The following ITPR2 variants were observed in gnomAD, a reference collection of about 807,000 sequenced individuals.
ITPR2 encodes the protein inositol 1,4,5-trisphosphate-gated calcium channel ITPR2.
Under a neutral mutation model 317.1 loss-of-function variants are expected in ITPR2, and 207 were observed. The observed-to-expected ratio is 0.65, with a 90% CI of 0.58 to 0.73. The LOEUF is 0.73. ITPR2 is among the 30% of genes least tolerant of loss of function. ITPR2 has a pLI of 0.00. For synonymous variants in ITPR2, 1,156 were observed against 1,149.1 expected, an observed-to-expected ratio of 1.01 and a Z score of -0.12; for missense variants, 2,613 against 3,284.0, an observed-to-expected ratio of 0.80 and a Z score of 4.99.
At chr12:26,570,869 C>T (rs1413574751) in intron 34 of ITPR2, among the ~76,000 whole-genome samples, 2 of 152,168 alleles carry the variant, frequency 1.3e-5, no homozygotes, top group East Asian at 3.9e-4. Flanking sequence ...ATGCCCTGAA[C>T]GTTTCTCAAA....
At chr12:26,405,233 T>C (rs1275591568) in intron 52 of ITPR2, among the ~76,000 whole-genome samples, 1 of 152,164 alleles carries the variant, frequency 6.6e-6, no homozygotes, top group African/African-American at 2.4e-5. Context: ...AAATAGACTT[T>C]TAATGTGGAG....
At chr12:26,712,371 C>T (rs1047766258) in intron 8 of ITPR2, among the ~76,000 whole-genome samples, 1 of 152,156 alleles carries the variant, frequency 6.6e-6, no homozygotes, top group Non-Finnish European at 1.5e-5. Context: ...TTTTGCTAGA[C>T]TCCAGCAACT....
At position 26,486,026 on chromosome 12, in the gene ITPR2, CTTG is replaced by C. The variant is rs1942656400; in HGVS notation, c.5811+75_5811+77del. ...CTTTCTAAAATGCTCTCCGAAACTACTTGTTGGTTTTATTTGAATTTAATTACT... is the reference window on the plus strand; with the variant it reads ...CTTTCTAAAATGCTCTCCGAAACTACTTGGTTTTATTTGAATTTAATTACT... On this transcript the variant is annotated intron_variant, in intron 41 of 56. Transcript: ENST00000381340. 6 of 1,504,276 alleles carry C rather than the reference CTTG, an allele frequency of 4.0e-6. No homozygotes were observed. The Admixed American group carries it at 1.0e-4, about 26-fold the overall frequency. 93.2% of individuals were successfully genotyped at this position (1,504,276 alleles called of 1,614,324 possible).
chr12:26,768,070 T>C (rs965231976), intron 2 of ITPR2, among the ~76,000 whole-genome samples: 5 of 152,218 alleles, frequency 3.3e-5, no homozygotes, highest in Admixed American at 1.3e-4. Context: ...CTTGCCTATC[T>C]ACTGCTTTTA....
chr12:26,725,545 C>A, intron 3 of ITPR2, 105 bp downstream of exon 3: 1 of 725,040 alleles, frequency 1.4e-6, no homozygotes, highest in East Asian at 2.7e-5. Context: ...TATTCTAAAT[C>A]TCTGTGTTTT....
In ITPR2 at chr12:26,768,277, A is replaced by AG. The variant is rs1394684551; in HGVS notation, c.163+21879dup. On this transcript the variant is annotated intron_variant, in intron 2 of 56. Transcript: ENST00000381340. Reference sequence around the variant, plus strand: ...TGGGGACGGTGGTGGGGTCGGGGGAAGGGGGAGGGATAGCAGTGGGAGATA... The same window carrying AG: ...TGGGGACGGTGGTGGGGTCGGGGGAAGGGGGGAGGGATAGCAGTGGGAGATA... Among the ~76,000 whole-genome samples the AG allele has an allele frequency of 2.1e-3, 260 of 124,518 alleles. 2 individuals carry two copies. Among genetic ancestry groups the AG allele is most frequent in the Non-Finnish European group, 2.8e-3 (167 of 59,268 alleles). 81.7% of individuals were successfully genotyped at this position (124,518 alleles called of 152,430 possible).
intron 21 of ITPR2, among the ~76,000 whole-genome samples, chr12:26,653,329 C>T (rs1045872285): frequency 6.8e-6 from 1 of 148,036 alleles, no homozygotes; most frequent in Admixed American, 6.8e-5. Flanking sequence ...ACTGCAACAT[C>T]CGACTCCCTG....
chr12:26,807,565 G>A (rs926199744), intron 1 of ITPR2, among the ~76,000 whole-genome samples: 5 of 152,156 alleles, frequency 3.3e-5, no homozygotes, highest in South Asian at 4.1e-4. Context: ...GCAGCTCTCC[G>A]TGATTTACAG....
chr12:26,757,779 CTT>C (rs1949553542), intron 2 of ITPR2, among the ~76,000 whole-genome samples: 2 of 152,270 alleles, frequency 1.3e-5, no homozygotes, highest in Non-Finnish European at 2.9e-5. Flanking sequence ...AACCGTTATT[CTT>C]TCTCTCTCTG....
chr12:26,736,504 C>T (rs17481043), intron 2 of ITPR2, among the ~76,000 whole-genome samples: 24,548 of 152,128 alleles, frequency 0.16, 2,748 homozygotes, highest in Non-Finnish European at 0.24. Context: ...AGGCTATTAG[C>T]AATTAGTATT....
chr12:26,711,694 G>A (rs139616197), intron 8 of ITPR2, among the ~76,000 whole-genome samples: 106 of 152,288 alleles, frequency 7.0e-4, no homozygotes, highest in African/African-American at 2.4e-3. Context: ...GAGAGCCAGC[G>A]AACAAAGAAA....
chr12:26,423,449 C>G (rs1940954285), intron 49 of ITPR2, among the ~76,000 whole-genome samples: 1 of 151,984 alleles, frequency 6.6e-6, no homozygotes, highest in South Asian at 2.1e-4. Flanking sequence ...ATGGTGAGAC[C>G]AACTTATTAA....
intron 55 of ITPR2, among the ~76,000 whole-genome samples, chr12:26,361,342 C>A (rs1175929174): frequency 6.6e-6 from 1 of 152,100 alleles, no homozygotes; most frequent in Non-Finnish European, 1.5e-5. Flanking sequence ...ATGATTTAAT[C>A]CCTGGTCATG....
chr12:26,459,085 C>T (rs1296289358), intron 45 of ITPR2, among the ~76,000 whole-genome samples: 2 of 152,192 alleles, frequency 1.3e-5, no homozygotes, highest in African/African-American at 4.8e-5. Context: ...CCTGGTACTG[C>T]TTTTAGGCAA....
chr12:26,748,405 C>G (rs894726154), intron 2 of ITPR2, among the ~76,000 whole-genome samples: 63 of 152,244 alleles, frequency 4.1e-4, no homozygotes, highest in African/African-American at 1.4e-3. Context: ...ATACTATTAC[C>G]AAGAAATCAT....
At chr12:26,405,045 A>T (rs1940303201) in intron 52 of ITPR2, among the ~76,000 whole-genome samples, 1 of 152,114 alleles carries the variant, frequency 6.6e-6, no homozygotes, top group African/African-American at 2.4e-5. Flanking sequence ...GAGGCAGGAG[A>T]ATCACTTGAA....
chr12:26,468,423 AGCAT>A (rs1374701264), intron 45 of ITPR2, among the ~76,000 whole-genome samples: 3 of 152,196 alleles, frequency 2.0e-5, no homozygotes, highest in Admixed American at 1.3e-4. Context: ...TGCTATTATA[AGCAT>A]TGTAGGAGTC....
At chr12:26,762,561 A>C (rs933700931) in intron 2 of ITPR2, among the ~76,000 whole-genome samples, 7 of 152,192 alleles carry the variant, frequency 4.6e-5, no homozygotes, top group Admixed American at 4.6e-4. Context: ...CTAACAAGAA[A>C]TGCTGAAGGC....
rs532115076 is a variant in ITPR2 at position 26,578,815 on chromosome 12, T to C, written c.4528A>G (p.Ile1510Val). The C allele has an allele frequency of 5.6e-6, 9 of 1,609,236 alleles. No homozygotes were observed. The highest frequency in any genetic ancestry group is 1.3e-5 in the African/African-American group (1 of 74,856). ...TSLQTHQPVFIQLLQSAFRIY... is the reference protein window; with the variant it reads ...TSLQTHQPVFVQLLQSAFRIY... ...CTGAAGGCAGATTGCAGTAGCTGAA[T>C]AAAAACTGGCTGATGTGTCTAAAAC... Residue 1510 changes from isoleucine to valine, a missense_variant, in exon 34 of 57, where the codon ATT becomes GTT. Physicochemically the swap from Ile to Val is conservative, Grantham distance 29. Around this residue, in one of 9 missense-constraint regions of ITPR2, gnomAD observed 926 missense variants for 1,072.8 expected, o/e 0.86. Transcript: ENST00000381340.
Sources: allele counts gnomAD v4.1 joint callset (sites outside exome capture counted in the v4.1 genomes callset), GRCh38; gene constraint gnomAD v4.1.1; regional missense constraint gnomAD v4.1.1; transcripts MANE v1.5; gene names NCBI Gene and HGNC (gene_info 2026-07-23, HGNC 2026-07-21).